The following ZIC5 variants were observed in gnomAD, a reference collection of about 807,000 sequenced individuals.
ZIC5 encodes zinc finger protein ZIC 5.
Under a neutral mutation model 28.5 loss-of-function variants are expected in ZIC5, and 20 were observed. The ratio of observed to expected loss-of-function variants is 0.70; its 90% CI spans 0.49 to 1.02. ZIC5 has a LOEUF of 1.02. ZIC5 is among the 50% of genes least tolerant of loss of function. The pLI is 0.00. For synonymous variants in ZIC5, 488 were observed against 410.4 expected, an observed-to-expected ratio of 1.19 and a Z score of -2.29; for missense variants, 951 against 899.7, an observed-to-expected ratio of 1.06 and a Z score of -0.73.
chr13:99,969,724 C>A (rs1337042906), intron 1 of ZIC5, among the ~76,000 whole-genome samples: 2 of 151,734 alleles, frequency 1.3e-5, no homozygotes. Flanking sequence ...CTCTTTCCAT[C>A]GCCCTCCCAG....
rs1279876621 is a variant in ZIC5, at chr13:99,971,083, A to T, written c.521T>A (p.Val174Asp). 1.4e-6 allele frequency: 2 copies of T among 1,431,960 alleles called. No individual in the cohort carries two copies. The highest frequency in any genetic ancestry group is 1.5e-5 in the South Asian group (1 of 68,094). The allele number at this position is 1,431,960 out of a possible 1,614,324, so 88.7% of individuals were successfully genotyped here. ...CGTGGCGGAAAGGTCCCTCCGGAGG[A>T]CGAAGTCCCTGCTGTGGCCTTTGCC... ...SSGKGHSRDFVLRRDLSATAP... is the reference protein window; with the variant it reads ...SSGKGHSRDFDLRRDLSATAP... The change falls in exon 1 of 2, where the codon GTC becomes GAC. Residue 174 changes from valine (V) to aspartate (D), a missense_variant. Physicochemically the swap from Val to Asp is radical, Grantham distance 152. Transcript: ENST00000267294.
rs2053147090 is a variant in ZIC5 at position 99,970,662 on chromosome 13, A to G, written c.942T>C (p.Ala314=). 8.7e-7 allele frequency: 1 copy of G among 1,154,624 alleles called. No homozygotes were observed. The highest frequency in any genetic ancestry group is 1.1e-6 in the Non-Finnish European group (1 of 932,412). 71.5% of individuals were successfully genotyped at this position (1,154,624 alleles called of 1,614,324 possible). A position where few individuals can be genotyped will look rare whatever the true frequency, so the allele number is the denominator to read the frequency against. The change falls in exon 1 of 2, where the codon GCT becomes GCC. Residue 314 remains alanine, a synonymous_variant. Transcript: ENST00000267294. ...GCCCGGCCGCTGCTGCGGCCGCCGC[A>G]GCCGCCAGGTTCAGGTTTAAGTTCA... ...GAVNLNLNLA[A]AAAAAAAGPG...
Position 99,970,416 on chromosome 13 carries a change from C to CGGT in ZIC5, c.1187_1188insACC (p.Pro400dup), listed in dbSNP as rs772098205. The CGGT allele has an allele frequency of 8.5e-5, 43 of 507,346 alleles. No individual in the cohort carries two copies. The African/African-American group carries it at 2.4e-3, about 28-fold the overall frequency. 31.4% of individuals were successfully genotyped at this position (507,346 alleles called of 1,614,324 possible). On this transcript the variant is annotated inframe_insertion, in exon 1 of 2. Coordinates refer to ENST00000267294, the MANE Select transcript of ZIC5 (RefSeq NM_033132.5). ...TGGCGCCGCCGGCCGGGGGCGGTGG[C>CGGT]GGCGGCGGCGGCGGCGGCGGCGGCG...
chr13:99,968,514 G>A (rs916324798), intron 1 of ZIC5, among the ~76,000 whole-genome samples: 19 of 152,200 alleles, frequency 1.2e-4, no homozygotes, highest in Admixed American at 9.8e-4. Context: ...GTCCCGCCGG[G>A]GGCCCGGATC....
rs1195059092 is a variant in ZIC5, at chr13:99,971,478, G to A, written c.126C>T (p.Ser42=). 2 of 1,550,096 alleles carry A rather than the reference G, an allele frequency of 1.3e-6. No homozygotes were observed. Among genetic ancestry groups the A allele is most frequent in the Non-Finnish European group, 8.7e-7 (1 of 1,146,812 alleles). The change falls in exon 1 of 2, where the codon TCC becomes TCT. Residue 42 remains serine (S), a synonymous_variant. Coordinates refer to ENST00000267294, the MANE Select transcript of ZIC5 (RefSeq NM_033132.5). ...FPALAGPPAH[S]QLRAAVAHLR... Reference sequence around the variant, plus strand: ...GGTGCGCGACGGCGGCCCGGAGTTGGGAGTGGGCGGGCGGGCCGGCCAGCG... The same window carrying A: ...GGTGCGCGACGGCGGCCCGGAGTTGAGAGTGGGCGGGCGGGCCGGCCAGCG...
rs2053068762 is a variant in ZIC5, at chr13:99,963,025, A to T, written c.*2352T>A. Reference sequence around the variant, plus strand: ...GCCATTATGTAAAACATAAGCAATAATAACAAGAATACCTTTATTAAATTT... The same window carrying T: ...GCCATTATGTAAAACATAAGCAATATTAACAAGAATACCTTTATTAAATTT... On this transcript the variant is annotated 3_prime_UTR_variant, in exon 2 of 2. Transcript: ENST00000267294. 6.6e-6 allele frequency: 1 copy of T among 152,276 alleles called. No homozygotes were observed. The highest frequency in any genetic ancestry group is 1.5e-5 in the Non-Finnish European group (1 of 68,036). 9.4% of individuals were successfully genotyped at this position (152,276 alleles called of 1,614,324 possible).
Position 99,970,465 on chromosome 13 carries a change from TCGG to T in ZIC5, c.1136_1138del (p.Pro379_Asp380delinsHis). ...CGGCGGCGGCAGCCCGGCCAGCTCG[TCGG>T]GGTCGATCCACTTGCAGATGAGCTC... On this transcript the variant is annotated inframe_deletion, in exon 1 of 2. Coordinates refer to ENST00000267294, the MANE Select transcript of ZIC5 (RefSeq NM_033132.5). 9.1e-7 allele frequency: 1 copy of T among 1,096,640 alleles called. No individual in the cohort carries two copies. The highest frequency in any genetic ancestry group is 1.1e-6 in the Non-Finnish European group (1 of 900,206). 67.9% of individuals were successfully genotyped at this position (1,096,640 alleles called of 1,614,324 possible).
chr13:99,971,161 G>A lies in ZIC5; in HGVS notation c.443C>T (p.Pro148Leu). Residue 148 changes from proline to leucine, a missense_variant, in exon 1 of 2, where the codon CCT (proline) becomes CTT (leucine). Around this residue, in one of 3 missense-constraint regions of ZIC5, gnomAD observed 784 missense variants for 660.1 expected, o/e 1.19. Transcript: ENST00000267294. Reference protein sequence around the residue: ...SPPPPPPPPPPPALSGYTTTN... With the variant: ...SPPPPPPPPPLPALSGYTTTN... ...GGTGGTGTAGCCCGAGAGGGCAGGA[G>A]GAGGAGGAGGCGGGGGAGGGGGAGG... The A allele has an allele frequency of 7.3e-7, 1 of 1,370,742 alleles. No individual in the cohort carries two copies. The highest frequency in any genetic ancestry group is 9.3e-7 in the Non-Finnish European group (1 of 1,070,162). 84.9% of individuals were successfully genotyped at this position (1,370,742 alleles called of 1,614,324 possible).
In ZIC5 at chr13:99,969,483, G is replaced by A. The variant is rs1594283716; in HGVS notation, c.1477+644C>T. ...GTGTGTAAAGTTGTGGGAGACGCAC[G>A]CAGAAGAAGGTGTGCGTGAAGAGTG... On this transcript the variant is annotated intron_variant, in intron 1 of 1. Transcript: ENST00000267294. 1.6e-5 allele frequency among the ~76,000 whole-genome samples: 2 copies of A among 128,106 alleles called. 1 individual carries two copies. Among genetic ancestry groups the A allele is most frequent in the South Asian group, 6.3e-4 (2 of 3,172 alleles). 84.0% of individuals were successfully genotyped at this position (128,106 alleles called of 152,430 possible).
At chr13:99,967,927 G>C (rs1236738005) in intron 1 of ZIC5, among the ~76,000 whole-genome samples, 1 of 152,226 alleles carries the variant, frequency 6.6e-6, no homozygotes, top group African/African-American at 2.4e-5. Flanking sequence ...AGTCACGTCA[G>C]AATTTAACTA....
chr13:99,970,554 G>C lies in ZIC5; in HGVS notation c.1050C>G (p.His350Gln). 1 of 1,063,976 alleles carries C rather than the reference G, an allele frequency of 9.4e-7. No homozygotes were observed. The highest frequency in any genetic ancestry group is 1.7e-5 in the African/African-American group (1 of 58,632). The allele number at this position is 1,063,976 out of a possible 1,614,324, so 65.9% of individuals were successfully genotyped here. ...PAPAQHPHQH[H>Q]PHLPGAAGAF... is the part of the protein sequence containing the mutation. ...CCCCAGCCGCCCCTGGGAGGTGGGG[G>C]TGGTGCTGGTGCGGGTGCTGCGCGG... The change falls in exon 1 of 2, where the codon CAC becomes CAG. Residue 350 changes from histidine (H) to glutamine (Q), a missense_variant. Physicochemically the swap from His to Gln is conservative, Grantham distance 24. Coordinates refer to ENST00000267294, the MANE Select transcript of ZIC5 (RefSeq NM_033132.5).
rs1407517817 is a variant in ZIC5 at position 99,970,705 on chromosome 13, A to G, written c.899T>C (p.Leu300Pro). Reference sequence around the variant, plus strand: ...TAAGTTCACGGCTCCGTAGCCGTGCAGGGCGGCCGCCGCTGCGGCCGCAAC... The same window carrying G: ...TAAGTTCACGGCTCCGTAGCCGTGCGGGGCGGCCGCCGCTGCGGCCGCAAC... ...GAVAAAAAAA[L>P]HGYGAVNLNL... is the part of the protein sequence containing the mutation. Residue 300 changes from leucine (L) to proline (P), a missense_variant, in exon 1 of 2, where the codon CTG becomes CCG. Leu to Pro is a moderately conservative substitution (Grantham distance 98). Coordinates refer to ENST00000267294, the MANE Select transcript of ZIC5 (RefSeq NM_033132.5). 1 of 1,179,924 alleles carries G rather than the reference A, an allele frequency of 8.5e-7. No individual in the cohort carries two copies. Among genetic ancestry groups the G allele is most frequent in the Non-Finnish European group, 1.1e-6 (1 of 951,834 alleles). The allele number at this position is 1,179,924 out of a possible 1,614,324, so 73.1% of individuals were successfully genotyped here.
At position 99,970,929 on chromosome 13, in the gene ZIC5, C is replaced by T; in HGVS notation, c.675G>A (p.Ala225=). 1 of 1,386,284 alleles carries T rather than the reference C, an allele frequency of 7.2e-7. No individual in the cohort carries two copies. The highest frequency in any genetic ancestry group is 1.5e-5 in the African/African-American group (1 of 65,028). 85.9% of individuals were successfully genotyped at this position (1,386,284 alleles called of 1,614,324 possible). A position where few individuals can be genotyped will look rare whatever the true frequency, so the allele number is the denominator to read the frequency against. Residue 225 remains alanine (A), a synonymous_variant, in exon 1 of 2, where the codon GCG becomes GCA. Coordinates refer to ENST00000267294, the MANE Select transcript of ZIC5 (RefSeq NM_033132.5). The part of the protein sequence containing the change: ...GMFISASGTY[A]GPDGSGGPAL... ...CCGGGCCGCCGCTGCCGTCCGGGCC[C>T]GCGTAGGTGCCGCTGGCGGAGATGA...
chr13:99,970,410 CGGT>C lies in ZIC5; in HGVS notation c.1191_1193del (p.Pro400del), dbSNP rs1251453463. On this transcript the variant is annotated inframe_deletion, in exon 1 of 2. Transcript: ENST00000267294. Reference sequence around the variant, plus strand: ...AGGGCTTGGCGCCGCCGGCCGGGGGCGGTGGCGGCGGCGGCGGCGGCGGCGGCG... The same window carrying C: ...AGGGCTTGGCGCCGCCGGCCGGGGGCGGCGGCGGCGGCGGCGGCGGCGGCG... 7.8e-6 allele frequency: 9 copies of C among 1,158,762 alleles called. No homozygotes were observed. Among genetic ancestry groups the C allele is most frequent in the South Asian group, 2.8e-5 (1 of 35,682 alleles). The allele number at this position is 1,158,762 out of a possible 1,614,324, so 71.8% of individuals were successfully genotyped here. A position where few individuals can be genotyped will look rare whatever the true frequency, so the allele number is the denominator to read the frequency against.
At chr13:99,967,196 T>C (rs1004277626) in intron 1 of ZIC5, among the ~76,000 whole-genome samples, 10 of 152,226 alleles carry the variant, frequency 6.6e-5, no homozygotes, top group Non-Finnish European at 1.3e-4. Flanking sequence ...TTTTAAAAAA[T>C]ATTTCGCCAA....
In ZIC5 at chr13:99,971,230, G is replaced by A; in HGVS notation, c.374C>T (p.Ala125Val). 2.3e-6 allele frequency: 3 copies of A among 1,308,388 alleles called. No individual in the cohort carries two copies. The highest frequency in any genetic ancestry group is 2.9e-6 in the Non-Finnish European group (3 of 1,036,262). 81.0% of individuals were successfully genotyped at this position (1,308,388 alleles called of 1,614,324 possible). The change falls in exon 1 of 2, where the codon GCG becomes GTG. Residue 125 changes from alanine to valine, a missense_variant. Coordinates refer to ENST00000267294, the MANE Select transcript of ZIC5 (RefSeq NM_033132.5). ...AAGAGGAGGGGCTGGGGGCGGGGGC[G>A]CGGAGGGCTGCGCGCCACTGCTGCC... The part of the protein sequence containing the change: ...GGGSSGAQPS[A>V]PPPPAPPLPP...
intron 1 of ZIC5, among the ~76,000 whole-genome samples, chr13:99,967,913 G>A (rs2053112175): frequency 6.6e-6 from 1 of 152,248 alleles, no homozygotes; most frequent in South Asian, 2.1e-4. Flanking sequence ...GATTCTGATA[G>A]ACGAGTCACG....
At chr13:99,967,597 A>T (rs2053109638) in intron 1 of ZIC5, among the ~76,000 whole-genome samples, 1 of 152,198 alleles carries the variant, frequency 6.6e-6, no homozygotes, top group Admixed American at 6.5e-5. Context: ...GCGAAGGTGC[A>T]ATGCTGTTTT....
chr13:99,967,553 G>A (rs549644950), intron 1 of ZIC5, among the ~76,000 whole-genome samples: 2 of 152,274 alleles, frequency 1.3e-5, no homozygotes, highest in East Asian at 3.9e-4. Context: ...TCAATATGGA[G>A]GCGTAATTAC....
Sources: allele counts gnomAD v4.1 joint callset (sites outside exome capture counted in the v4.1 genomes callset), GRCh38; gene constraint gnomAD v4.1.1; regional missense constraint gnomAD v4.1.1; transcripts MANE v1.5; gene names NCBI Gene and HGNC (gene_info 2026-07-23, HGNC 2026-07-21).